The following TMED3 variants were observed in gnomAD, a reference collection of about 807,000 sequenced individuals.
TMED3 encodes transmembrane emp24 domain-containing protein 3.
TMED3 carries 9 observed loss-of-function variants against 15.0 expected under a neutral mutation model. The observed-to-expected ratio is 0.60, with a 90% confidence interval of 0.36 to 1.04. The LOEUF (loss-of-function observed/expected upper bound fraction) is 1.04. TMED3 is among the 50% of genes least tolerant of loss of function. TMED3 has a pLI of 0.01. For synonymous variants in TMED3, 117 were observed against 121.4 expected (o/e 0.96, Z 0.24); for missense variants, 267 against 278.9 (o/e 0.96, Z 0.30).
At chr15:79,407,810 G>A (rs1024559641) in intron 2 of TMED3, among the ~76,000 whole-genome samples, 6 of 152,256 alleles carry the variant, frequency 3.9e-5, no homozygotes, top group Non-Finnish European at 5.9e-5. Context: ...TGCTTTGCCC[G>A]AGAGCCAATG....
chr15:79,353,396 T>C (rs1247054290), intron 2 of TMED3, among the ~76,000 whole-genome samples: 1 of 128,802 alleles, frequency 7.8e-6, no homozygotes, highest in African/African-American at 2.9e-5. Flanking sequence ...TTTTGTGTCT[T>C]TCAAAAAATA....
At chr15:79,359,830 A>G (rs1057268515) in intron 2 of TMED3, among the ~76,000 whole-genome samples, 9 of 152,214 alleles carry the variant, frequency 5.9e-5, no homozygotes, top group African/African-American at 2.2e-4. Flanking sequence ...TGGAATAGCG[A>G]AAGCCCTAGG....
At chr15:79,381,909 A>C (rs1294039119) in intron 2 of TMED3, among the ~76,000 whole-genome samples, 1 of 152,198 alleles carries the variant, frequency 6.6e-6, no homozygotes, top group Non-Finnish European at 1.5e-5. Context: ...ATATGGACTT[A>C]AAAATATTGC....
At chr15:79,318,512 T>C (rs1013781017) in intron 2 of TMED3, among the ~76,000 whole-genome samples, 1 of 152,204 alleles carries the variant, frequency 6.6e-6, no homozygotes, top group Non-Finnish European at 1.5e-5. Flanking sequence ...CAATCCTTTG[T>C]GATTTTCCAG....
At chr15:79,349,767 C>T (rs1370914083) in intron 2 of TMED3, among the ~76,000 whole-genome samples, 1 of 152,200 alleles carries the variant, frequency 6.6e-6, no homozygotes, top group Non-Finnish European at 1.5e-5. Flanking sequence ...ACTCATCCTT[C>T]CCTCAGGGCC....
rs569196515 is a variant in TMED3, at chr15:79,354,652, A to T, written c.417+40647A>T. Reference sequence around the variant, plus strand: ...AAAAAAAAAAAAGAAAAATTCAAGGAAAGGTTCACTAAGGAAAAAAGGGGA... The same window carrying T: ...AAAAAAAAAAAAGAAAAATTCAAGGTAAGGTTCACTAAGGAAAAAAGGGGA... On this transcript the variant is annotated intron_variant, in intron 2 of 2. Transcript: ENST00000424155. Among the ~76,000 whole-genome samples, 310 of 151,962 alleles carry T rather than the reference A, an allele frequency of 2.0e-3. 3 individuals carry two copies. Among genetic ancestry groups the T allele is most frequent in the African/African-American group, 7.3e-3 (303 of 41,476 alleles).
At chr15:79,344,833 C>T (rs900264961) in intron 2 of TMED3, among the ~76,000 whole-genome samples, 1 of 152,108 alleles carries the variant, frequency 6.6e-6, no homozygotes, top group East Asian at 1.9e-4. Flanking sequence ...GTAGTGAGCC[C>T]AGTGAGATGA....
chr15:79,368,590 A>G (rs1219781463), intron 2 of TMED3, among the ~76,000 whole-genome samples: 1 of 152,118 alleles, frequency 6.6e-6, no homozygotes, highest in Non-Finnish European at 1.5e-5. Context: ...GGTTAATTCT[A>G]TGTTTGGGTA....
intron 2 of TMED3, among the ~76,000 whole-genome samples, chr15:79,350,726 C>T (rs537684379): frequency 3.9e-5 from 6 of 152,270 alleles, no homozygotes; most frequent in Admixed American, 2.6e-4. Flanking sequence ...TTGCACCCTT[C>T]AATCCAGTCA....
At chr15:79,409,939 T>C (rs1893951227) in intron 2 of TMED3, among the ~76,000 whole-genome samples, 1 of 152,124 alleles carries the variant, frequency 6.6e-6, no homozygotes, top group Non-Finnish European at 1.5e-5. Flanking sequence ...GTTGCCCCTG[T>C]AGAGGGGTAA....
At chr15:79,319,806 A>AAG (rs1263646086) in intron 2 of TMED3, among the ~76,000 whole-genome samples, 56 of 152,182 alleles carry the variant, frequency 3.7e-4, no homozygotes, top group Non-Finnish European at 5.0e-4. Flanking sequence ...AGAGAGAGAG[A>AAG]AGAGAGAGAG....
chr15:79,377,270 ATGTGTG>A (rs56891639), intron 2 of TMED3, among the ~76,000 whole-genome samples: 83 of 145,506 alleles, frequency 5.7e-4, no homozygotes, highest in South Asian at 3.6e-3. Flanking sequence ...GAGTGTGTGC[ATGTGTG>A]TGTGTGTGTG....
intron 2 of TMED3, among the ~76,000 whole-genome samples, chr15:79,381,016 A>T (rs1252303984): frequency 6.6e-6 from 1 of 152,162 alleles, no homozygotes; most frequent in African/African-American, 2.4e-5. Context: ...TAAAGAGAAG[A>T]TGGGCAAGGA....
At chr15:79,407,213 G>C (rs1893913740) in intron 2 of TMED3, among the ~76,000 whole-genome samples, 1 of 152,172 alleles carries the variant, frequency 6.6e-6, no homozygotes, top group African/African-American at 2.4e-5. Flanking sequence ...GCTTGGAGGA[G>C]CCATTCCAGC....
At chr15:79,386,538 G>A (rs550842080) in intron 2 of TMED3, among the ~76,000 whole-genome samples, 67 of 152,110 alleles carry the variant, frequency 4.4e-4, no homozygotes, top group African/African-American at 1.6e-3. Flanking sequence ...ATGAATAACA[G>A]TTTTTAAATT....
chr15:79,375,887 G>A (rs1893415581), intron 2 of TMED3, among the ~76,000 whole-genome samples: 1 of 152,128 alleles, frequency 6.6e-6, no homozygotes, highest in Non-Finnish European at 1.5e-5. Flanking sequence ...GAGAAGGAAG[G>A]TGAGTGGTGA....
chr15:79,383,046 C>G lies in TMED3; in HGVS notation c.418-28354C>G, dbSNP rs1476858421. The G allele has an allele frequency of 2.6e-6, 4 of 1,535,196 alleles. No individual in the cohort carries two copies. The Admixed American group carries it at 7.8e-5, about 30-fold the overall frequency. ...ACCATCTGGGATCTACCTGTTCCAACTGCTTGTTTACCTCCTGTGCATGCT... is the reference window on the plus strand; with the variant it reads ...ACCATCTGGGATCTACCTGTTCCAAGTGCTTGTTTACCTCCTGTGCATGCT... On this transcript the variant is annotated intron_variant, in intron 2 of 2. Coordinates refer to the TMED3 transcript ENST00000424155.
chr15:79,369,020 C>T (rs1398997904), intron 2 of TMED3, among the ~76,000 whole-genome samples: 5 of 150,748 alleles, frequency 3.3e-5, no homozygotes, highest in South Asian at 2.1e-4. Flanking sequence ...ACTTGAACCT[C>T]GGAGGTCAGG....
At chr15:79,410,202 A>T (rs1349756854) in intron 2 of TMED3, among the ~76,000 whole-genome samples, 1 of 152,210 alleles carries the variant, frequency 6.6e-6, no homozygotes, top group Non-Finnish European at 1.5e-5. Flanking sequence ...AATGGTTTAT[A>T]GTGTTCCCTT....
Sources: gnomAD v4.1 joint callset for allele counts (sites outside exome capture counted in the v4.1 genomes callset) on GRCh38, gnomAD v4.1.1 for gene constraint, MANE v1.5 for transcripts, NCBI Gene and HGNC (gene_info 2026-07-23, HGNC 2026-07-21) for gene names.